ARB2A: variants seen among roughly 807,000 people sequenced by gnomAD.
ARB2A encodes ARB2 cotranscriptional regulator A.
At chr5:94,014,838 TAC>T in the ARB2A span, among the ~76,000 whole-genome samples, 3 of 147,862 alleles carry the variant, frequency 2.0e-5, no homozygotes, top group African/African-American at 7.5e-5. Flanking sequence ...TATTTGAAAA[TAC>T]ACAGTCACAG....
At chr5:94,090,195 T>A in the ARB2A span, among the ~76,000 whole-genome samples, 3 of 152,232 alleles carry the variant, frequency 2.0e-5, no homozygotes, top group Non-Finnish European at 2.9e-5. Context: ...TCCTCTCTTA[T>A]TTCCTTGAGC....
At chr5:93,745,810 G>T in the ARB2A span, among the ~76,000 whole-genome samples, 1 of 151,982 alleles carries the variant, frequency 6.6e-6, no homozygotes, top group Non-Finnish European at 1.5e-5. Flanking sequence ...CTCTGCAGAT[G>T]TCCTAGTAAG....
the ARB2A span, chr5:93,805,128 T>C: frequency 1.0e-6 from 1 of 981,644 alleles, no homozygotes; most frequent in Non-Finnish European, 1.2e-6. Context: ...TTCAAATATG[T>C]TATAATACAA....
the ARB2A span, among the ~76,000 whole-genome samples, chr5:93,694,263 T>C: frequency 1.3e-5 from 2 of 152,314 alleles, no homozygotes; most frequent in Middle Eastern, 3.4e-3. Flanking sequence ...TGTTTGCAGA[T>C]GTCATGATTG....
At chr5:93,731,474 T>A in the ARB2A span, among the ~76,000 whole-genome samples, 1 of 152,154 alleles carries the variant, frequency 6.6e-6, no homozygotes, top group African/African-American at 2.4e-5. Context: ...CAGAACTGCA[T>A]GAAAATAAAT....
At chr5:93,772,898 G>C in the ARB2A span, among the ~76,000 whole-genome samples, 1 of 152,186 alleles carries the variant, frequency 6.6e-6, no homozygotes, top group Admixed American at 6.5e-5. Context: ...CTCTTACCAC[G>C]TTCCCCATTA....
the ARB2A span, chr5:93,738,633 AG>A: frequency 6.6e-6 from 1 of 152,254 alleles, no homozygotes; most frequent in Non-Finnish European, 1.5e-5. Context: ...GTCATAAAAA[AG>A]GAATGAAGTT....
chr5:93,715,487 C>T, the ARB2A span, among the ~76,000 whole-genome samples: 2 of 152,182 alleles, frequency 1.3e-5, no homozygotes, highest in East Asian at 1.9e-4. Flanking sequence ...GTAGTGTTTA[C>T]GTTAGTTCTC....
the ARB2A span, among the ~76,000 whole-genome samples, chr5:94,106,687 C>T: frequency 1.3e-5 from 2 of 151,820 alleles, no homozygotes; most frequent in Non-Finnish European, 1.5e-5. Flanking sequence ...ATATGTCCAT[C>T]GCAGCACTAT....
the ARB2A span, among the ~76,000 whole-genome samples, chr5:93,707,098 T>C: frequency 2.4e-4 from 37 of 152,308 alleles, no homozygotes; most frequent in African/African-American, 8.9e-4. Flanking sequence ...ACAGTATTTA[T>C]AATTCTGGCA....
the ARB2A span, among the ~76,000 whole-genome samples, chr5:93,849,320 C>T: frequency 4.9e-3 from 750 of 152,066 alleles, 2 homozygotes; most frequent in Non-Finnish European, 7.6e-3. Context: ...TTATTCCTAA[C>T]ATAAAAATAC....
the ARB2A span, among the ~76,000 whole-genome samples, chr5:93,809,274 C>T: frequency 1.3e-5 from 2 of 152,098 alleles, no homozygotes; most frequent in Admixed American, 6.6e-5. Flanking sequence ...CACGATATAT[C>T]GGTACTATGC....
chr5:94,111,591 C>A, the ARB2A span: 1 of 152,348 alleles, frequency 6.6e-6, no homozygotes, highest in Non-Finnish European at 1.5e-5. Context: ...CGAACTCCCT[C>A]GTGCGGTTGT....
At chr5:93,737,264 A>G in the ARB2A span, 1 of 152,208 alleles carries the variant, frequency 6.6e-6, no homozygotes, top group African/African-American at 2.4e-5. Context: ...TGAAAACTAA[A>G]ACACTGCTCA....
At chr5:93,784,371 A>AC in the ARB2A span, 5 of 1,606,666 alleles carry the variant, frequency 3.1e-6, no homozygotes, top group Admixed American at 1.7e-5. Context: ...ACTAAAAAAA[A>AC]CCAAGTCTCA....
the ARB2A span, among the ~76,000 whole-genome samples, chr5:93,931,848 T>C: frequency 6.6e-6 from 1 of 152,150 alleles, no homozygotes. Flanking sequence ...GTTTTGCTTG[T>C]TTTTGAACTT....
the ARB2A span, among the ~76,000 whole-genome samples, chr5:94,075,267 A>G: frequency 1.3e-5 from 2 of 152,080 alleles, no homozygotes; most frequent in African/African-American, 4.8e-5. Context: ...CAAATTTCCT[A>G]TAGTGTAATT....
the ARB2A span, among the ~76,000 whole-genome samples, chr5:93,817,067 ACTC>A: frequency 6.6e-6 from 1 of 150,920 alleles, no homozygotes; most frequent in Non-Finnish European, 1.5e-5. Context: ...GAATATGAAA[ACTC>A]CTAAGGAATA....
At chr5:93,982,061 C>T in the ARB2A span, among the ~76,000 whole-genome samples, 4 of 151,952 alleles carry the variant, frequency 2.6e-5, no homozygotes, top group Non-Finnish European at 4.4e-5. Context: ...ATATTACTGG[C>T]CAAGAAGAGG....
Sources: gnomAD v4.1 joint callset for allele counts (sites outside exome capture counted in the v4.1 genomes callset) on GRCh38, gnomAD v4.1.1 for gene constraint, MANE v1.5 for transcripts, NCBI Gene and HGNC (gene_info 2026-07-23, HGNC 2026-07-21) for gene names.